The following ANO3 variants were observed in gnomAD, a reference collection of about 807,000 sequenced individuals.
The protein encoded by ANO3 is anoctamin 3, also known as anoctamin-3.
ANO3 carries 99 observed loss-of-function variants against 144.8 expected under a neutral mutation model. The ratio of observed to expected loss-of-function variants is 0.68; its 90% confidence interval spans 0.58 to 0.81. ANO3 has a LOEUF of 0.81. ANO3 is among the 30% of genes least tolerant of loss of function. ANO3 has a pLI of 0.00. For missense variants in ANO3, 905 were observed against 1,202.2 expected (o/e 0.75, Z 3.66); for synonymous variants, 414 against 392.6 (o/e 1.05, Z -0.64).
At chr11:26,503,743 A>G (rs1366485017) in intron 4 of ANO3, among the ~76,000 whole-genome samples, 2 of 152,154 alleles carry the variant, frequency 1.3e-5, no homozygotes, top group Non-Finnish European at 2.9e-5. Context: ...AAAGATGTGG[A>G]TTTTTAAAAC....
intron 17 of ANO3, among the ~76,000 whole-genome samples, chr11:26,623,571 A>G (rs190008786): frequency 2.6e-5 from 4 of 152,256 alleles, no homozygotes; most frequent in East Asian, 1.9e-4. Flanking sequence ...AGAAAAATCA[A>G]TTGTGACTTA....
intron 1 of ANO3, among the ~76,000 whole-genome samples, chr11:26,233,216 CA>C (rs56234101): frequency 6.6e-4 from 78 of 118,472 alleles, no homozygotes; most frequent in Middle Eastern, 4.5e-3. Flanking sequence ...GACTCCGTCT[CA>C]AAAAAAAAAA....
At chr11:26,544,273 T>TATATATATATACACAC in intron 11 of ANO3, among the ~76,000 whole-genome samples, 1 of 58,566 alleles carries the variant, frequency 1.7e-5, no homozygotes, top group Non-Finnish European at 3.6e-5. Flanking sequence ...TATATATATA[T>TATATATATATACACAC]ACACACATAC....
At chr11:26,222,297 C>T (rs1021306490) in intron 1 of ANO3, among the ~76,000 whole-genome samples, 6 of 152,252 alleles carry the variant, frequency 3.9e-5, no homozygotes, top group Admixed American at 3.9e-4. Context: ...ATCCAGTGCA[C>T]ACTGGTGCAG....
rs576484169 is a variant in ANO3, at chr11:26,518,071, A to G, written c.692+1144A>G. ...AGTTCCTCAAGGATCTTGGCAAAAA[A>G]AGAATAAAATTTAAAAAAAGATAAA... On this transcript the variant is annotated intron_variant, in intron 6 of 26. Coordinates refer to ENST00000256737, the MANE Select transcript of ANO3 (RefSeq NM_031418.4). 3.9e-5 allele frequency among the ~76,000 whole-genome samples: 6 copies of G among 152,156 alleles called. No homozygotes were observed. In the South Asian group the frequency reaches 1.2e-3, roughly 32 times the overall value.
At chr11:26,258,204 G>A (rs1475426446) in intron 1 of ANO3, among the ~76,000 whole-genome samples, 3 of 152,220 alleles carry the variant, frequency 2.0e-5, no homozygotes, top group Non-Finnish European at 2.9e-5. Context: ...TGATTTTCTT[G>A]ATTAATGTCC....
intron 23 of ANO3, among the ~76,000 whole-genome samples, chr11:26,647,143 T>C (rs1853371080): frequency 1.3e-5 from 2 of 152,210 alleles, no homozygotes; most frequent in South Asian, 4.1e-4. Flanking sequence ...TAGTTCTATA[T>C]ACTATACATC....
At chr11:26,556,845 T>G (rs1369105489) in intron 13 of ANO3, among the ~76,000 whole-genome samples, 2 of 152,166 alleles carry the variant, frequency 1.3e-5, no homozygotes, top group Non-Finnish European at 2.9e-5. Flanking sequence ...TGGTTGAATC[T>G]GCCAAGGAGG....
chr11:26,643,171 T>C lies in ANO3; in HGVS notation c.2276-11T>C, dbSNP rs948095921. 1 of 1,613,318 alleles carries C rather than the reference T, an allele frequency of 6.2e-7. No individual in the cohort carries two copies. Among genetic ancestry groups the C allele is most frequent in the South Asian group, 1.1e-5 (1 of 90,878 alleles). On this transcript the variant is annotated splice_polypyrimidine_tract_variant and intron_variant, in intron 22 of 26. Transcript: ENST00000256737. ...TTTATATAGTAATTTCCTAATGCTC[T>C]TCTTTTGCAGTTTTGCAATTTGGTT...
At chr11:26,471,925 T>C (rs1042764238) in intron 4 of ANO3, among the ~76,000 whole-genome samples, 2 of 152,006 alleles carry the variant, frequency 1.3e-5, no homozygotes, top group Non-Finnish European at 2.9e-5. Context: ...CCATGAGTAC[T>C]TAAGAATTTA....
chr11:26,284,150 G>C (rs1445901100), intron 1 of ANO3, among the ~76,000 whole-genome samples: 2 of 152,138 alleles, frequency 1.3e-5, no homozygotes, highest in Non-Finnish European at 2.9e-5. Flanking sequence ...GGTTGGACCC[G>C]AGGCTGACAT....
At chr11:26,395,082 A>T (rs944027374) in intron 1 of ANO3, among the ~76,000 whole-genome samples, 3 of 152,140 alleles carry the variant, frequency 2.0e-5, no homozygotes, top group Admixed American at 1.3e-4. Context: ...TCAATATTTA[A>T]AGTTAGTGTT....
At chr11:26,560,632 T>G (rs1225651413) in intron 14 of ANO3, 3 of 153,546 alleles carry the variant, frequency 2.0e-5, no homozygotes, top group Non-Finnish European at 2.9e-5. Context: ...AAAAGCACCC[T>G]TTCAATTTTC....
At position 26,457,024 on chromosome 11, in the gene ANO3, A is replaced by G. The variant is rs1445833816; in HGVS notation, c.314-6006A>G. ...CTCACTCATAGGTGGGAATTGAACT[A>G]TGAGAACACATGGACACAGGAAGGG... On this transcript the variant is annotated intron_variant, in intron 3 of 26. Coordinates refer to ENST00000256737, the MANE Select transcript of ANO3 (RefSeq NM_031418.4). Among the ~76,000 whole-genome samples, 6 of 146,284 alleles carry G rather than the reference A, an allele frequency of 4.1e-5. No homozygotes were observed. The East Asian group carries it at 8.3e-4, about 20-fold the overall frequency.
chr11:26,473,678 G>T (rs1428488770), intron 4 of ANO3, among the ~76,000 whole-genome samples: 2 of 151,730 alleles, frequency 1.3e-5, no homozygotes, highest in African/African-American at 4.8e-5. Context: ...ATGTTAATCT[G>T]CCCAGCTCAA....
chr11:26,534,155 G>T (rs1196341091), intron 8 of ANO3, among the ~76,000 whole-genome samples: 2 of 152,166 alleles, frequency 1.3e-5, no homozygotes, highest in East Asian at 1.9e-4. Flanking sequence ...GTTCTATTTG[G>T]AAATACATTG....
chr11:26,206,911 C>T (rs995442082), intron 1 of ANO3, among the ~76,000 whole-genome samples: 2 of 152,144 alleles, frequency 1.3e-5, no homozygotes, highest in African/African-American at 4.8e-5. Flanking sequence ...CCAGAGAAAT[C>T]ACCCAACAGG....
At chr11:26,265,052 G>C (rs1423850406) in intron 1 of ANO3, among the ~76,000 whole-genome samples, 1 of 151,990 alleles carries the variant, frequency 6.6e-6, no homozygotes, top group Non-Finnish European at 1.5e-5. Context: ...AAGATGAAAA[G>C]AAAAGGAGAA....
At chr11:26,554,666 A>G (rs1355447896) in intron 13 of ANO3, among the ~76,000 whole-genome samples, 1 of 152,086 alleles carries the variant, frequency 6.6e-6, no homozygotes, top group Admixed American at 6.6e-5. Flanking sequence ...ACTGTGCATA[A>G]TGAGGGCTCC....
Sources: gnomAD v4.1 joint callset for allele counts (sites outside exome capture counted in the v4.1 genomes callset) on GRCh38, gnomAD v4.1.1 for gene constraint, MANE v1.5 for transcripts, NCBI Gene and HGNC (gene_info 2026-07-23, HGNC 2026-07-21) for gene names.